The following CCSER1 variants were observed in gnomAD, a reference collection of about 807,000 sequenced individuals.
The protein encoded by CCSER1 is coiled-coil serine rich protein 1.
A neutral mutation model predicts 82.0 loss-of-function variants in CCSER1; 41 were observed. The ratio of observed to expected loss-of-function variants is 0.50; its 90% CI spans 0.39 to 0.65. The LOEUF (loss-of-function observed/expected upper bound fraction) is 0.65, where lower values mean the gene tolerates loss of function less well. CCSER1 is among the 30% of genes least tolerant of loss of function. The probability of loss-of-function intolerance (pLI) is 0.00; values close to 1 mark genes in which losing one functional copy is unlikely to be tolerated. For missense variants in CCSER1, 1,119 were observed against 1,064.2 expected (o/e 1.05, Z -0.72); for synonymous variants, 414 against 383.9 (o/e 1.08, Z -0.92).
chr4:91,539,053 A>ATT (rs918311006), intron 10 of CCSER1, among the ~76,000 whole-genome samples: 3 of 151,790 alleles, frequency 2.0e-5, no homozygotes, highest in African/African-American at 7.3e-5. Context: ...TTGTAGAATT[A>ATT]TTTTTTCTCA....
At chr4:90,437,023 G>A (rs187759034) in intron 4 of CCSER1, among the ~76,000 whole-genome samples, 332 of 151,974 alleles carry the variant, frequency 2.2e-3, no homozygotes, top group African/African-American at 7.7e-3. Context: ...GGGTTTCACC[G>A]TGTTAGCCAG....
intron 10 of CCSER1, among the ~76,000 whole-genome samples, chr4:91,421,813 A>G (rs1166132646): frequency 6.9e-6 from 1 of 145,680 alleles, no homozygotes; most frequent in Non-Finnish European, 1.5e-5. Flanking sequence ...AAAGTTAAAA[A>G]AAAAAACCAC....
chr4:90,573,236 C>T (rs1780325016), intron 5 of CCSER1, among the ~76,000 whole-genome samples: 1 of 152,222 alleles, frequency 6.6e-6, no homozygotes, highest in Non-Finnish European at 1.5e-5. Flanking sequence ...CAGCTGCATC[C>T]AGTGCAATGC....
chr4:91,555,230 A>C (rs1762344912), intron 10 of CCSER1, among the ~76,000 whole-genome samples: 1 of 151,158 alleles, frequency 6.6e-6, no homozygotes, highest in Non-Finnish European at 1.5e-5. Flanking sequence ...AAATTGGCCC[A>C]GACTCACACT....
chr4:90,170,236 T>A (rs1731373231), intron 1 of CCSER1, among the ~76,000 whole-genome samples: 1 of 152,038 alleles, frequency 6.6e-6, no homozygotes, highest in Non-Finnish European at 1.5e-5. Flanking sequence ...ATGCTATTGT[T>A]TCTATCTTAG....
intron 10 of CCSER1, among the ~76,000 whole-genome samples, chr4:91,461,151 A>G (rs1756478098): frequency 6.6e-6 from 1 of 152,186 alleles, no homozygotes; most frequent in African/African-American, 2.4e-5. Flanking sequence ...AGTTTTTGGC[A>G]TAATTTATTT....
chr4:90,925,541 C>T (rs866715258), intron 9 of CCSER1, among the ~76,000 whole-genome samples: 4 of 152,102 alleles, frequency 2.6e-5, no homozygotes, highest in South Asian at 2.1e-4. Context: ...GAGGAATGAA[C>T]GACACCTCTG....
chr4:90,316,819 C>T (rs1028929301), intron 3 of CCSER1, among the ~76,000 whole-genome samples: 7 of 151,928 alleles, frequency 4.6e-5, no homozygotes, highest in East Asian at 1.9e-4. Context: ...AATCTGGAAG[C>T]GAAAGGACAG....
intron 10 of CCSER1, among the ~76,000 whole-genome samples, chr4:91,295,644 C>T: frequency 6.8e-6 from 1 of 147,914 alleles, no homozygotes; most frequent in East Asian, 2.0e-4. Flanking sequence ...TATTTATATT[C>T]ATGCATATGT....
At chr4:91,411,525 T>TATATATATAA (rs1206328984) in intron 10 of CCSER1, among the ~76,000 whole-genome samples, 2 of 129,548 alleles carry the variant, frequency 1.5e-5, no homozygotes, top group Non-Finnish European at 3.2e-5. Flanking sequence ...TATATATATA[T>TATATATATAA]AAAATCTTGA....
chr4:90,364,505 A>G (rs146012844), intron 3 of CCSER1, among the ~76,000 whole-genome samples: 1 of 152,242 alleles, frequency 6.6e-6, no homozygotes, highest in African/African-American at 2.4e-5. Flanking sequence ...AATATAAGCT[A>G]TGGAATAAAA....
At chr4:90,946,557 G>A (rs1239370105) in intron 9 of CCSER1, among the ~76,000 whole-genome samples, 9 of 151,724 alleles carry the variant, frequency 5.9e-5, no homozygotes, top group African/African-American at 2.2e-4. Context: ...GTTGAACCTG[G>A]GAGACTGAGG....
At chr4:91,409,788 T>A (rs568104479) in intron 10 of CCSER1, among the ~76,000 whole-genome samples, 1 of 152,290 alleles carries the variant, frequency 6.6e-6, no homozygotes, top group East Asian at 1.9e-4. Flanking sequence ...GTTCAAGCGA[T>A]TCTCCTGCCT....
At chr4:91,295,353 A>T (rs1744072779) in intron 10 of CCSER1, among the ~76,000 whole-genome samples, 1 of 151,956 alleles carries the variant, frequency 6.6e-6, no homozygotes, top group Non-Finnish European at 1.5e-5. Flanking sequence ...AATATACAAG[A>T]AATTAATTTT....
At chr4:91,187,391 C>T (rs1052067477) in intron 10 of CCSER1, among the ~76,000 whole-genome samples, 26 of 152,010 alleles carry the variant, frequency 1.7e-4, no homozygotes, top group South Asian at 1.0e-3. Context: ...TCAAAATTGC[C>T]GTCCAAATAA....
At chr4:91,026,365 C>T (rs577878762) in intron 9 of CCSER1, among the ~76,000 whole-genome samples, 130 of 152,064 alleles carry the variant, frequency 8.5e-4, no homozygotes, top group African/African-American at 3.0e-3. Context: ...CGTATTTGGC[C>T]TTAATAAATT....
chr4:90,964,731 C>CAAAA (rs71596540), intron 9 of CCSER1, among the ~76,000 whole-genome samples: 42 of 77,386 alleles, frequency 5.4e-4, no homozygotes, highest in African/African-American at 1.5e-3. Context: ...ACTCTGTCTC[C>CAAAA]AAAAAAAAAA....
rs553645958 is a variant in CCSER1 at position 90,135,465 on chromosome 4, GA to G, written c.-42+7638del. 4.3e-4 allele frequency among the ~76,000 whole-genome samples: 65 copies of G among 152,222 alleles called. No individual in the cohort carries two copies. The East Asian group carries it at 0.012, about 28-fold the overall frequency. On this transcript the variant is annotated intron_variant, in intron 1 of 10. Coordinates refer to ENST00000509176, the MANE Select transcript of CCSER1 (RefSeq NM_001145065.2). ...CCATTTTATCTGCCAGCAGACACCAGAAAACACAACACTTTCCTGGATCTCC... is the reference window on the plus strand; with the variant it reads ...CCATTTTATCTGCCAGCAGACACCAGAAACACAACACTTTCCTGGATCTCC...
At chr4:90,184,150 C>A (rs10516865) in intron 1 of CCSER1, among the ~76,000 whole-genome samples, 10,498 of 151,852 alleles carry the variant, frequency 0.069, 687 homozygotes, top group African/African-American at 0.17. Flanking sequence ...TGCCATGGCT[C>A]GAAAGTGACA....
Sources: allele counts gnomAD v4.1 joint callset (sites outside exome capture counted in the v4.1 genomes callset), GRCh38; gene constraint gnomAD v4.1.1; transcripts MANE v1.5; gene names NCBI Gene and HGNC (gene_info 2026-07-23, HGNC 2026-07-21).